Variants in WNT4 observed in about 807,000 individuals in gnomAD.
WNT4 encodes the protein protein Wnt-4.
A neutral mutation model predicts 34.5 loss-of-function variants in WNT4; 16 were observed. That is an observed-to-expected ratio of 0.46 (90% CI 0.31 to 0.70). The LOEUF (loss-of-function observed/expected upper bound fraction) is 0.70, where lower values mean the gene tolerates loss of function less well. Ranked by LOEUF, WNT4 falls within the 30% of genes least tolerant of loss-of-function variation. The pLI is 0.04. For synonymous variants in WNT4, 200 were observed against 211.9 expected (o/e 0.94, Z 0.49); for missense variants, 379 against 495.9 (o/e 0.76, Z 2.24).
rs140707175 is a variant in WNT4 at position 22,117,573 on chromosome 1, G to C, written c.*2477C>G. Reference sequence around the variant, plus strand: ...AGAGGGGGTGGGCTATGTAAGGGCTGTGCCAGTTCCCCCTGGGACAGTTTG... The same window carrying C: ...AGAGGGGGTGGGCTATGTAAGGGCTCTGCCAGTTCCCCCTGGGACAGTTTG... On this transcript the variant is annotated 3_prime_UTR_variant, in exon 5 of 5. Transcript: ENST00000290167. 3 of 152,520 alleles carry C rather than the reference G, an allele frequency of 2.0e-5. No homozygotes were observed. The highest frequency in any genetic ancestry group is 6.5e-5 in the Admixed American group (1 of 15,310). 9.4% of individuals were successfully genotyped at this position (152,520 alleles called of 1,614,324 possible).
rs143272787 is a variant in WNT4, at chr1:22,123,226, C to T, written c.314-1650G>A. Among the ~76,000 whole-genome samples the T allele has an allele frequency of 6.3e-3, 963 of 152,206 alleles. 11 individuals are homozygous for T. The highest frequency in any genetic ancestry group is 0.022 in the African/African-American group (916 of 41,552). On this transcript the variant is annotated intron_variant, in intron 2 of 4. Coordinates refer to ENST00000290167, the MANE Select transcript of WNT4 (RefSeq NM_030761.5). Reference sequence around the variant, plus strand: ...CTGGCGGGTCGCCTCAGCCTGGCCTCGCGTGGTCCTTCCTCCTCTGCTGGT... The same window carrying T: ...CTGGCGGGTCGCCTCAGCCTGGCCTTGCGTGGTCCTTCCTCCTCTGCTGGT...
intron 2 of WNT4, among the ~76,000 whole-genome samples, chr1:22,125,160 G>T (rs567320686): frequency 6.6e-6 from 1 of 152,272 alleles, no homozygotes; most frequent in African/African-American, 2.4e-5. Flanking sequence ...ACTCTAACAT[G>T]GGGATAATAA....
At position 22,120,305 on chromosome 1, in the gene WNT4, A is replaced by C; in HGVS notation, c.801T>G (p.Asp267Glu). 1 of 1,614,228 alleles carries C rather than the reference A, an allele frequency of 6.2e-7. No individual in the cohort carries two copies. The highest frequency in any genetic ancestry group is 8.5e-7 in the Non-Finnish European group (1 of 1,180,036). ...TAGGCTCCAAGTACACCAGGTCCTC[A>C]TCTGTGTGCGGCTTGAACTGTGCGT... ...PRNAQFKPHT[D>E]EDLVYLEPSP... is the part of the protein sequence containing the mutation. Residue 267 changes from aspartate to glutamate, a missense_variant, in exon 5 of 5, where the codon GAT becomes GAG. This residue lies in a region of WNT4 where 313 missense variants were observed against 445.8 expected (regional missense o/e 0.70). Transcript: ENST00000290167.
rs1646031063 is a variant in WNT4, at chr1:22,137,354, G to C, written c.77+5492C>G. ...ACCTGGCAACTCCTGTGGAAATCTGGAGAGCAACCCTGGGGTCGCAGCTCT... is the reference window on the plus strand; with the variant it reads ...ACCTGGCAACTCCTGTGGAAATCTGCAGAGCAACCCTGGGGTCGCAGCTCT... On this transcript the variant is annotated intron_variant, in intron 1 of 4. Coordinates refer to ENST00000290167, the MANE Select transcript of WNT4 (RefSeq NM_030761.5). This position sits in a 1 kb window ranked among gnomAD's most constrained non-coding sequence, Gnocchi z 5.3. 6.6e-6 allele frequency among the ~76,000 whole-genome samples: 1 copy of C among 152,176 alleles called. No individual in the cohort carries two copies. Among genetic ancestry groups the C allele is most frequent in the Non-Finnish European group, 1.5e-5 (1 of 68,018 alleles).
At position 22,140,675 on chromosome 1, in the gene WNT4, GTCT is replaced by G. The variant is rs1646059480; in HGVS notation, c.77+2168_77+2170del. Among the ~76,000 whole-genome samples, 1 of 152,210 alleles carries G rather than the reference GTCT, an allele frequency of 6.6e-6. No individual in the cohort carries two copies. The highest frequency in any genetic ancestry group is 1.5e-5 in the Non-Finnish European group (1 of 68,048). ...GGACCAACCTTGGTATGTGCCCAGT[GTCT>G]TCTCCTTCATAGCCTCTCTGGTTTG... On this transcript the variant is annotated intron_variant, in intron 1 of 4. Coordinates refer to ENST00000290167, the MANE Select transcript of WNT4 (RefSeq NM_030761.5). The surrounding 1 kb of genome is among the most constrained non-coding windows in gnomAD (Gnocchi z 5.9).
chr1:22,123,937 G>A (rs112772236), intron 2 of WNT4, among the ~76,000 whole-genome samples: 1 of 152,184 alleles, frequency 6.6e-6, no homozygotes, highest in Non-Finnish European at 1.5e-5. Context: ...GCCCCAGAAA[G>A]CCTGGAAGAT....
intron 1 of WNT4, among the ~76,000 whole-genome samples, chr1:22,132,986 G>A (rs1255868443): frequency 1.3e-5 from 2 of 152,172 alleles, no homozygotes; most frequent in East Asian, 1.9e-4. Context: ...CTGCTTGCCC[G>A]TTTCAGTATC....
rs1646003716 is a variant in WNT4, at chr1:22,134,073, T to A, written c.78-4222A>T. Among the ~76,000 whole-genome samples, 1 of 152,162 alleles carries A rather than the reference T, an allele frequency of 6.6e-6. No homozygotes were observed. Among genetic ancestry groups the A allele is most frequent in the South Asian group, 2.1e-4 (1 of 4,826 alleles). ...GAGGGGACGGGAAATAGCTGGAGCG[T>A]TTGGGAGGCCAAGCAGATCAGTGTC... On this transcript the variant is annotated intron_variant, in intron 1 of 4. Coordinates refer to ENST00000290167, the MANE Select transcript of WNT4 (RefSeq NM_030761.5). The surrounding 1 kb of genome is among the most constrained non-coding windows in gnomAD (Gnocchi z 4.1).
At position 22,120,015 on chromosome 1, in the gene WNT4, A is replaced by C; in HGVS notation, c.*35T>G. 6.3e-7 allele frequency: 1 copy of C among 1,599,618 alleles called. No individual in the cohort carries two copies. Among genetic ancestry groups the C allele is most frequent in the South Asian group, 1.1e-5 (1 of 90,672 alleles). On this transcript the variant is annotated 3_prime_UTR_variant, in exon 5 of 5. Coordinates refer to ENST00000290167, the MANE Select transcript of WNT4 (RefSeq NM_030761.5). ...TTAAATTATCGGCCTTCCCTGGGCC[A>C]CTAGGTGGTTGCCGGCGCAGGGCTA...
In WNT4 at chr1:22,142,803, TGCCCC is replaced by T. The variant is rs748888002; in HGVS notation, c.77+38_77+42del. 207 of 1,105,890 alleles carry T rather than the reference TGCCCC, an allele frequency of 1.9e-4. No homozygotes were observed. The highest frequency in any genetic ancestry group is 9.1e-4 in the South Asian group (48 of 52,814). 68.5% of individuals were successfully genotyped at this position (1,105,890 alleles called of 1,614,324 possible). The stretch of plus-strand genomic sequence containing the variant: ...GGCACCGGCCGCTGCCCCCGGGGCC[TGCCCC>T]GCCCCGCCCCGCCCCGCTCGGCCCC... On this transcript the variant is annotated intron_variant, in intron 1 of 4. Coordinates refer to ENST00000290167, the MANE Select transcript of WNT4 (RefSeq NM_030761.5). This position sits in a 1 kb window ranked among gnomAD's most constrained non-coding sequence, Gnocchi z 6.0.
In WNT4 at chr1:22,140,688, T is replaced by C. The variant is rs1420269900; in HGVS notation, c.77+2158A>G. Among the ~76,000 whole-genome samples the C allele has an allele frequency of 6.6e-6, 1 of 152,252 alleles. No individual in the cohort carries two copies. The highest frequency in any genetic ancestry group is 1.5e-5 in the Non-Finnish European group (1 of 68,050). On this transcript the variant is annotated intron_variant, in intron 1 of 4. Coordinates refer to ENST00000290167, the MANE Select transcript of WNT4 (RefSeq NM_030761.5). The surrounding 1 kb of genome is among the most constrained non-coding windows in gnomAD (Gnocchi z 5.9). The stretch of plus-strand genomic sequence containing the variant: ...TATGTGCCCAGTGTCTTCTCCTTCA[T>C]AGCCTCTCTGGTTTGGGAGGGTCCT...
chr1:22,122,379 C>T (rs1323084653), intron 2 of WNT4, among the ~76,000 whole-genome samples: 1 of 152,118 alleles, frequency 6.6e-6, no homozygotes, highest in African/African-American at 2.4e-5. Context: ...AAGACTCAAG[C>T]ACACGTCTGT....
Position 22,120,332 on chromosome 1 carries a change from G to A in WNT4, c.774C>T (p.Arg258=), listed in dbSNP as rs916161819. ...RVGSSRALVP[R]NAQFKPHTDE... Reference sequence around the variant, plus strand: ...CTGTGTGCGGCTTGAACTGTGCGTTGCGTGGCACCAGTGCCCTGGAGGAGC... The same window carrying A: ...CTGTGTGCGGCTTGAACTGTGCGTTACGTGGCACCAGTGCCCTGGAGGAGC... The change falls in exon 5 of 5, where the codon CGC becomes CGT. Residue 258 remains arginine, a synonymous_variant. Coordinates refer to ENST00000290167, the MANE Select transcript of WNT4 (RefSeq NM_030761.5). 6 of 1,614,134 alleles carry A rather than the reference G, an allele frequency of 3.7e-6. No homozygotes were observed. In the Admixed American group the frequency reaches 8.3e-5, roughly 22 times the overall value.
At chr1:22,127,008 T>A (rs1048605310) in intron 2 of WNT4, 1 of 338,208 alleles carries the variant, frequency 3.0e-6, no homozygotes, top group Middle Eastern at 1.1e-3. Context: ...ACAATCCCCT[T>A]TTCCTCTTAG....
intron 2 of WNT4, among the ~76,000 whole-genome samples, chr1:22,122,422 A>G (rs1356740380): frequency 2.0e-5 from 3 of 151,960 alleles, no homozygotes; most frequent in East Asian, 1.9e-4. Flanking sequence ...CAGTGGTTCT[A>G]TTTTGGTGCC....
intron 2 of WNT4, among the ~76,000 whole-genome samples, chr1:22,124,813 C>T (rs750053404): frequency 4.6e-5 from 7 of 152,180 alleles, no homozygotes; most frequent in Non-Finnish European, 1.0e-4. Context: ...AAGCCATAGG[C>T]TTGCTGATCC....
rs375708112 is a variant in WNT4, at chr1:22,130,514, C to G, written c.78-663G>C. ...CAAGTGCAGCATGCTCTCCCTCCCC[C>G]AGGGGCTTGCCCAGCACACTGAGTC... On this transcript the variant is annotated intron_variant, in intron 1 of 4. Coordinates refer to ENST00000290167, the MANE Select transcript of WNT4 (RefSeq NM_030761.5). Among the ~76,000 whole-genome samples, 353 of 152,358 alleles carry G rather than the reference C, an allele frequency of 2.3e-3. No individual in the cohort carries two copies. The Middle Eastern group carries it at 0.034, about 15-fold the overall frequency.
chr1:22,123,635 C>T (rs1234746418), intron 2 of WNT4, among the ~76,000 whole-genome samples: 1 of 152,186 alleles, frequency 6.6e-6, no homozygotes, highest in Non-Finnish European at 1.5e-5. Context: ...AACTGAGGCA[C>T]TGAGTGGTAA....
intron 1 of WNT4, among the ~76,000 whole-genome samples, chr1:22,131,839 C>G (rs1352879219): frequency 1.3e-5 from 2 of 152,218 alleles, no homozygotes; most frequent in African/African-American, 2.4e-5. Context: ...TCCTTCCTAT[C>G]TACCAGGTGG....
Sources: allele counts gnomAD v4.1 joint callset (sites outside exome capture counted in the v4.1 genomes callset), GRCh38; gene constraint gnomAD v4.1.1; regional missense constraint gnomAD v4.1.1; non-coding constraint Gnocchi (gnomAD v3.1); transcripts MANE v1.5; gene names NCBI Gene and HGNC (gene_info 2026-07-23, HGNC 2026-07-21).